The following OXR1 variants were observed in gnomAD, a reference collection of about 807,000 sequenced individuals.
OXR1 encodes oxidation resistance protein 1.
In OXR1, 41 loss-of-function variants were observed where a neutral mutation model predicts 104.6. The ratio of observed to expected loss-of-function variants is 0.39; its 90% CI spans 0.31 to 0.51. OXR1 has a LOEUF of 0.51. Among genes scored for constraint, OXR1 ranks in the 20% least tolerant of loss-of-function variants. The pLI is 0.77. For synonymous variants in OXR1, 348 were observed against 348.4 expected, an observed-to-expected ratio of 1.00 and a Z score of 0.01; for missense variants, 955 against 1,031.9, an observed-to-expected ratio of 0.93 and a Z score of 1.02.
chr8:106,446,718 G>T (rs1233586746), intron 2 of OXR1, among the ~76,000 whole-genome samples: 2 of 151,940 alleles, frequency 1.3e-5, no homozygotes, highest in African/African-American at 4.8e-5. Flanking sequence ...ATTGCTTAGG[G>T]CCAGGAGTTC....
rs185284902 is a variant in OXR1, at chr8:106,633,405, T to C, written c.221-45805T>C. Among the ~76,000 whole-genome samples, 951 of 152,330 alleles carry C rather than the reference T, an allele frequency of 6.2e-3. 9 individuals are homozygous for C. Among genetic ancestry groups the C allele is most frequent in the African/African-American group, 0.021 (856 of 41,566 alleles). On this transcript the variant is annotated intron_variant, in intron 3 of 16. Coordinates refer to ENST00000517566, the MANE Select transcript of OXR1 (RefSeq NM_001198533.2). ...GTTATTGATTTTCAAAATATTCCCT[T>C]CAATTATTTTACTTTGGTCTTAGTG...
chr8:106,697,964 T>G, intron 7 of OXR1: 1 of 1,612,890 alleles, frequency 6.2e-7, no homozygotes, highest in Non-Finnish European at 8.5e-7. Flanking sequence ...TTCTCAATCT[T>G]CTGCTGCACC....
chr8:106,500,488 C>T (rs962764357), intron 2 of OXR1, among the ~76,000 whole-genome samples: 9 of 152,232 alleles, frequency 5.9e-5, no homozygotes, highest in Admixed American at 4.6e-4. Context: ...AAATCAATCA[C>T]GACCCTTTCA....
At chr8:106,525,329 AT>A (rs1457676627) in intron 3 of OXR1, among the ~76,000 whole-genome samples, 1 of 152,120 alleles carries the variant, frequency 6.6e-6, no homozygotes, top group African/African-American at 2.4e-5. Context: ...AGGTTAGGAG[AT>A]TTGTCTAAGG....
intron 1 of OXR1, among the ~76,000 whole-genome samples, chr8:106,280,700 G>A (rs1426746149): frequency 1.3e-5 from 2 of 152,118 alleles, no homozygotes; most frequent in African/African-American, 4.8e-5. Flanking sequence ...TGTCACTGAA[G>A]TGTGCACTTA....
intron 3 of OXR1, among the ~76,000 whole-genome samples, chr8:106,520,755 C>G (rs77971673): frequency 1.3e-5 from 2 of 152,224 alleles, no homozygotes; most frequent in Non-Finnish European, 2.9e-5. Context: ...TCCTCTGCAA[C>G]ATGTCTGTCG....
chr8:106,452,421 A>G (rs1317939410), intron 2 of OXR1, among the ~76,000 whole-genome samples: 2 of 152,160 alleles, frequency 1.3e-5, no homozygotes, highest in Admixed American at 6.6e-5. Flanking sequence ...TTTCTTTAAA[A>G]TATCATGCTC....
intron 2 of OXR1, among the ~76,000 whole-genome samples, chr8:106,474,006 T>C (rs976016869): frequency 8.1e-6 from 1 of 122,910 alleles, no homozygotes; most frequent in African/African-American, 3.3e-5. Flanking sequence ...ATGTATTGTA[T>C]ATTTATACAC....
At chr8:106,500,948 G>A (rs1447901242) in intron 2 of OXR1, among the ~76,000 whole-genome samples, 9 of 152,134 alleles carry the variant, frequency 5.9e-5, no homozygotes, top group East Asian at 1.9e-4. Flanking sequence ...TTGATAAGTC[G>A]TCTGAAGAAA....
At chr8:106,663,062 G>A (rs1221250332) in intron 3 of OXR1, among the ~76,000 whole-genome samples, 1 of 152,022 alleles carries the variant, frequency 6.6e-6, no homozygotes, top group Non-Finnish European at 1.5e-5. Flanking sequence ...TATCCTTTAG[G>A]AAGATTCAAA....
intron 3 of OXR1, among the ~76,000 whole-genome samples, chr8:106,625,623 A>G (rs1822082773): frequency 6.6e-6 from 1 of 152,180 alleles, no homozygotes. Flanking sequence ...TCTCTCTGAA[A>G]CATGTATTTG....
rs191718939 is a variant in OXR1, at chr8:106,299,901, A to G, written c.-139+29534A>G. ...ATCACAGTTTTGTGGGAAGAGACGGACACGTTGTAGAAAATTTCACAGAGT... is the reference window on the plus strand; with the variant it reads ...ATCACAGTTTTGTGGGAAGAGACGGGCACGTTGTAGAAAATTTCACAGAGT... On this transcript the variant is annotated intron_variant, in intron 1 of 16. Transcript: ENST00000517566. Among the ~76,000 whole-genome samples the G allele has an allele frequency of 3.7e-3, 565 of 152,326 alleles. 4 individuals are homozygous for G. Among genetic ancestry groups the G allele is most frequent in the Admixed American group, 7.9e-3 (121 of 15,306 alleles).
intron 2 of OXR1, among the ~76,000 whole-genome samples, chr8:106,480,763 A>G (rs1052594044): frequency 6.6e-6 from 1 of 151,992 alleles, no homozygotes; most frequent in African/African-American, 2.4e-5. Flanking sequence ...TCTGAGCCTT[A>G]AATTCCTCAT....
intron 3 of OXR1, among the ~76,000 whole-genome samples, chr8:106,627,390 TA>T (rs1194765043): frequency 2.0e-5 from 3 of 152,150 alleles, no homozygotes; most frequent in African/African-American, 4.8e-5. Context: ...GTGGAAATAC[TA>T]AATGCTGTTG....
At chr8:106,473,846 A>G (rs1458091857) in intron 2 of OXR1, among the ~76,000 whole-genome samples, 1 of 146,954 alleles carries the variant, frequency 6.8e-6, no homozygotes, top group African/African-American at 2.5e-5. Context: ...TATTCTGTCT[A>G]TTCCTCTTTT....
intron 1 of OXR1, among the ~76,000 whole-genome samples, chr8:106,288,727 T>C (rs909382000): frequency 3.4e-5 from 5 of 147,624 alleles, no homozygotes; most frequent in African/African-American, 9.8e-5. Context: ...TATTTATATA[T>C]AAATATATAG....
intron 3 of OXR1, among the ~76,000 whole-genome samples, chr8:106,656,665 A>C (rs1259844437): frequency 6.6e-6 from 1 of 152,064 alleles, no homozygotes; most frequent in Non-Finnish European, 1.5e-5. Context: ...TTTCCCATAA[A>C]CACCGAATTA....
At chr8:106,518,630 T>C (rs925227078) in intron 2 of OXR1, among the ~76,000 whole-genome samples, 1 of 152,202 alleles carries the variant, frequency 6.6e-6, no homozygotes, top group African/African-American at 2.4e-5. Context: ...CTTTCAGAAC[T>C]AAATACTATA....
At chr8:106,568,885 C>A (rs1451272336) in intron 3 of OXR1, among the ~76,000 whole-genome samples, 2 of 152,010 alleles carry the variant, frequency 1.3e-5, no homozygotes, top group Non-Finnish European at 2.9e-5. Context: ...TATTTTCTAA[C>A]TACATGTAAA....
Sources: gnomAD v4.1 joint callset for allele counts (sites outside exome capture counted in the v4.1 genomes callset) on GRCh38, gnomAD v4.1.1 for gene constraint, MANE v1.5 for transcripts, NCBI Gene and HGNC (gene_info 2026-07-23, HGNC 2026-07-21) for gene names.